Variants in CDH18 observed in about 807,000 individuals in gnomAD.
CDH18 encodes the protein cadherin 18.
A neutral mutation model predicts 67.9 loss-of-function variants in CDH18; 31 were observed. The ratio of observed to expected loss-of-function variants is 0.46; its 90% CI spans 0.34 to 0.62. CDH18 has a LOEUF of 0.62. Ranked by LOEUF, CDH18 falls within the 20% of genes least tolerant of loss-of-function variation. CDH18 has a pLI of 0.01. For missense variants in CDH18, 890 were observed against 975.5 expected (o/e 0.91, Z 1.17); for synonymous variants, 362 against 347.2 (o/e 1.04, Z -0.48).
intron 1 of CDH18, among the ~76,000 whole-genome samples, chr5:20,287,915 A>G (rs767429506): frequency 1.1e-4 from 16 of 151,772 alleles, no homozygotes; most frequent in Non-Finnish European, 2.1e-4. Context: ...TATTTTCTCA[A>G]ATTTATCCTT....
intron 5 of CDH18, among the ~76,000 whole-genome samples, chr5:19,644,124 G>C (rs1471837946): frequency 6.6e-6 from 1 of 151,990 alleles, no homozygotes; most frequent in Non-Finnish European, 1.5e-5. Context: ...TTGGAAAAGA[G>C]GATAAATTAA....
chr5:19,808,015 A>G (rs1183513182), intron 3 of CDH18, among the ~76,000 whole-genome samples: 1 of 152,194 alleles, frequency 6.6e-6, no homozygotes, highest in African/African-American at 2.4e-5. Flanking sequence ...CCTATATAGT[A>G]TTCAACCTTT....
chr5:19,654,577 C>G (rs1756063907), intron 5 of CDH18, among the ~76,000 whole-genome samples: 1 of 152,056 alleles, frequency 6.6e-6, no homozygotes, highest in African/African-American at 2.4e-5. Context: ...ATGGTAGTGT[C>G]AAGGGGTGGT....
intron 2 of CDH18, among the ~76,000 whole-genome samples, chr5:20,111,854 A>G (rs1747511721): frequency 6.6e-6 from 1 of 152,044 alleles, no homozygotes; most frequent in African/African-American, 2.4e-5. Context: ...AAGAATGACT[A>G]TTTTTAATAT....
At chr5:20,380,866 T>G (rs1438496802) in intron 1 of CDH18, among the ~76,000 whole-genome samples, 1 of 152,330 alleles carries the variant, frequency 6.6e-6, no homozygotes, top group South Asian at 2.1e-4. Flanking sequence ...ATAAATTCTC[T>G]ATAGCTTCAT....
At chr5:20,541,999 G>A (rs1757074903) in intron 1 of CDH18, among the ~76,000 whole-genome samples, 1 of 152,170 alleles carries the variant, frequency 6.6e-6, no homozygotes, top group Admixed American at 6.5e-5. Context: ...AGGCCGGAGT[G>A]TAGAGGTGCA....
At chr5:20,143,474 C>A (rs1390663191) in intron 2 of CDH18, among the ~76,000 whole-genome samples, 1 of 151,960 alleles carries the variant, frequency 6.6e-6, no homozygotes, top group East Asian at 1.9e-4. Context: ...CTCAAGTGAT[C>A]CTCCCACCTC....
chr5:20,323,710 T>C (rs1159176748), intron 1 of CDH18, among the ~76,000 whole-genome samples: 1 of 152,248 alleles, frequency 6.6e-6, no homozygotes, highest in African/African-American at 2.4e-5. Context: ...TCTTTTGCAT[T>C]TATGCATTTG....
intron 2 of CDH18, among the ~76,000 whole-genome samples, chr5:19,857,769 A>C (rs1784465013): frequency 6.6e-6 from 1 of 152,174 alleles, no homozygotes; most frequent in African/African-American, 2.4e-5. Context: ...AAGCAAACTT[A>C]AGAAATTCAG....
intron 3 of CDH18, among the ~76,000 whole-genome samples, chr5:19,764,664 CAT>C (rs1772839718): frequency 6.6e-6 from 1 of 150,838 alleles, no homozygotes; most frequent in African/African-American, 2.4e-5. Context: ...CACACATACA[CAT>C]ATATGTATAT....
At chr5:20,005,178 T>C (rs929925767) in intron 2 of CDH18, among the ~76,000 whole-genome samples, 1 of 151,902 alleles carries the variant, frequency 6.6e-6, no homozygotes, top group Admixed American at 6.6e-5. Context: ...CAAAAATAAA[T>C]AAAGCAGATT....
intron 1 of CDH18, among the ~76,000 whole-genome samples, chr5:20,267,606 G>A (rs1369819489): frequency 6.6e-6 from 1 of 152,006 alleles, no homozygotes; most frequent in Non-Finnish European, 1.5e-5. Context: ...CCTTGCAGAG[G>A]TCTTTTACTG....
chr5:19,813,647 A>T (rs1176701520), intron 3 of CDH18, among the ~76,000 whole-genome samples: 1 of 152,142 alleles, frequency 6.6e-6, no homozygotes, highest in African/African-American at 2.4e-5. Flanking sequence ...AATTACAAGA[A>T]TATTGACACT....
At chr5:19,766,903 C>A (rs1773163745) in intron 3 of CDH18, among the ~76,000 whole-genome samples, 1 of 152,124 alleles carries the variant, frequency 6.6e-6, no homozygotes, top group Admixed American at 6.5e-5. Context: ...ATTATACTAT[C>A]TTTTCTTTTA....
At chr5:19,713,878 G>T (rs1286508710) in intron 5 of CDH18, among the ~76,000 whole-genome samples, 6 of 152,014 alleles carry the variant, frequency 3.9e-5, no homozygotes, top group Non-Finnish European at 7.4e-5. Context: ...TGCTCTCTCT[G>T]GTTCATAGAT....
chr5:20,039,207 A>G (rs1268102315), intron 2 of CDH18, among the ~76,000 whole-genome samples: 1 of 152,240 alleles, frequency 6.6e-6, no homozygotes, highest in African/African-American at 2.4e-5. Flanking sequence ...ACACAAACAA[A>G]TGGAAAAACA....
At chr5:19,575,463 G>A (rs1290323900) in intron 7 of CDH18, among the ~76,000 whole-genome samples, 1 of 152,098 alleles carries the variant, frequency 6.6e-6, no homozygotes, top group Non-Finnish European at 1.5e-5. Context: ...AAAAATGTAT[G>A]ATGACATATA....
intron 1 of CDH18, among the ~76,000 whole-genome samples, chr5:20,373,541 C>T (rs1252628872): frequency 6.6e-6 from 1 of 151,986 alleles, no homozygotes; most frequent in Non-Finnish European, 1.5e-5. Flanking sequence ...TTTTACTTGG[C>T]TTATGAAATC....
At chr5:19,764,624 C>CATATATATAT (rs72234101) in intron 3 of CDH18, among the ~76,000 whole-genome samples, 2 of 146,032 alleles carry the variant, frequency 1.4e-5, no homozygotes, top group African/African-American at 5.1e-5. Context: ...TCTATTTCTT[C>CATATATATAT]ATATATATAT....
Sources: gnomAD v4.1 joint callset for allele counts (sites outside exome capture counted in the v4.1 genomes callset) on GRCh38, gnomAD v4.1.1 for gene constraint, MANE v1.5 for transcripts, NCBI Gene and HGNC (gene_info 2026-07-23, HGNC 2026-07-21) for gene names.